The following TOX variants were observed in gnomAD, a reference collection of about 807,000 sequenced individuals.
The protein encoded by TOX is thymocyte selection-associated high mobility group box protein TOX.
TOX carries 11 observed loss-of-function variants against 53.7 expected under a neutral mutation model. The observed-to-expected ratio is 0.20, with a 90% CI of 0.13 to 0.34. The LOEUF (loss-of-function observed/expected upper bound fraction) is 0.34. Ranked by LOEUF, TOX falls within the 10% of genes least tolerant of loss-of-function variation. TOX has a pLI of 1.00. For missense variants in TOX, 570 were observed against 664.6 expected (o/e 0.86, Z 1.56); for synonymous variants, 225 against 245.3 (o/e 0.92, Z 0.77).
chr8:58,831,438 C>A (rs1047291327), intron 5 of TOX, among the ~76,000 whole-genome samples: 1 of 152,106 alleles, frequency 6.6e-6, no homozygotes, highest in Non-Finnish European at 1.5e-5. Flanking sequence ...CTATATATTA[C>A]CTCTAATTCT....
chr8:58,985,487 C>T (rs547208367), intron 1 of TOX, among the ~76,000 whole-genome samples: 83 of 152,186 alleles, frequency 5.5e-4, no homozygotes, highest in African/African-American at 1.9e-3. Context: ...TGGCAGTTGT[C>T]AGGGGCTAGG....
chr8:59,010,652 A>G (rs188971629), intron 1 of TOX, among the ~76,000 whole-genome samples: 135 of 152,282 alleles, frequency 8.9e-4, no homozygotes, highest in Middle Eastern at 3.4e-3. Context: ...TTTCAACAAA[A>G]CTGGGATAAT....
intron 3 of TOX, among the ~76,000 whole-genome samples, chr8:58,933,636 A>G (rs1249087706): frequency 6.6e-6 from 1 of 152,202 alleles, no homozygotes; most frequent in Non-Finnish European, 1.5e-5. Context: ...CTAAGTAACT[A>G]AAATGACAAA....
intron 3 of TOX, among the ~76,000 whole-genome samples, chr8:58,923,792 G>A (rs995503354): frequency 2.2e-4 from 33 of 152,082 alleles, no homozygotes; most frequent in African/African-American, 7.0e-4. Flanking sequence ...CCTGGGTTCC[G>A]GGTCCCTCAA....
intron 3 of TOX, among the ~76,000 whole-genome samples, chr8:58,900,564 T>G (rs1811719644): frequency 6.6e-6 from 1 of 152,294 alleles, no homozygotes; most frequent in South Asian, 2.1e-4. Flanking sequence ...CACAGAAGAT[T>G]TGATTTACTT....
At chr8:58,819,575 T>C (rs1430279859) in intron 6 of TOX, among the ~76,000 whole-genome samples, 1 of 152,206 alleles carries the variant, frequency 6.6e-6, no homozygotes, top group East Asian at 1.9e-4. Flanking sequence ...ATATGCAAAA[T>C]GTATAAAGGA....
intron 3 of TOX, among the ~76,000 whole-genome samples, chr8:58,936,966 T>C (rs1376889162): frequency 6.6e-6 from 1 of 152,356 alleles, no homozygotes; most frequent in Admixed American, 6.5e-5. Context: ...CAGTGACTAC[T>C]GCTGTTGGAC....
rs1805130263 is a variant in TOX, at chr8:59,117,731, T to A, written c.102+1155A>T. On this transcript the variant is annotated intron_variant, in intron 1 of 8. Coordinates refer to ENST00000361421, the MANE Select transcript of TOX (RefSeq NM_014729.3). This position sits in a 1 kb window ranked among gnomAD's most constrained non-coding sequence, Gnocchi z 4.6. Reference sequence around the variant, plus strand: ...TTTTTCCCGTGGAATGCACCGAGGGTCGCCATGGATGTGCCTGCAGGGGCT... The same window carrying A: ...TTTTTCCCGTGGAATGCACCGAGGGACGCCATGGATGTGCCTGCAGGGGCT... Among the ~76,000 whole-genome samples, 1 of 152,072 alleles carries A rather than the reference T, an allele frequency of 6.6e-6. No homozygotes were observed. The highest frequency in any genetic ancestry group is 1.9e-4 in the East Asian group (1 of 5,184).
chr8:58,851,621 T>C lies in TOX; in HGVS notation c.596A>G (p.Asn199Ser), dbSNP rs1396480607. The change falls in exon 4 of 9, where the codon AAT becomes AGT. Residue 199 changes from asparagine to serine, a missense_variant. Coordinates refer to ENST00000361421, the MANE Select transcript of TOX (RefSeq NM_014729.3). This position sits in a 1 kb window ranked among gnomAD's most constrained non-coding sequence, Gnocchi z 4.4. ...AQLGLNMGGS[N>S]VPHNSPSPPG... The stretch of plus-strand genomic sequence containing the variant: ...TGGAGATGGTGAGTTGTGGGGAACA[T>C]TGCTTCCTCCCATATTCAAACCAAG... The C allele has an allele frequency of 1.2e-6, 2 of 1,613,478 alleles. No homozygotes were observed. Among genetic ancestry groups the C allele is most frequent in the Non-Finnish European group, 1.7e-6 (2 of 1,179,786 alleles).
intron 1 of TOX, among the ~76,000 whole-genome samples, chr8:59,051,108 A>G (rs942154064): frequency 2.0e-5 from 3 of 152,138 alleles, no homozygotes; most frequent in African/African-American, 7.2e-5. Flanking sequence ...TGCTGATGGC[A>G]TACCCCGAAC....
rs865986265 is a variant in TOX, at chr8:58,914,995, G to A, written c.411+24307C>T. The stretch of plus-strand genomic sequence containing the variant: ...ACCCGAATATTGCGCTTTTCAGACC[G>A]GCTTAAAAAACGGCGCACCACGAGA... On this transcript the variant is annotated intron_variant, in intron 3 of 8. Coordinates refer to ENST00000361421, the MANE Select transcript of TOX (RefSeq NM_014729.3). Among the ~76,000 whole-genome samples the A allele has an allele frequency of 2.6e-3, 385 of 150,634 alleles. 1 individual carries two copies. Among genetic ancestry groups the A allele is most frequent in the African/African-American group, 9.2e-3 (371 of 40,400 alleles).
chr8:58,831,978 C>T (rs1198062852), intron 5 of TOX, among the ~76,000 whole-genome samples: 1 of 151,908 alleles, frequency 6.6e-6, no homozygotes, highest in Non-Finnish European at 1.5e-5. Flanking sequence ...CTGCCAACAT[C>T]ATGGAAAATT....
chr8:59,061,634 T>C (rs888196389), intron 1 of TOX, among the ~76,000 whole-genome samples: 1 of 152,034 alleles, frequency 6.6e-6, no homozygotes, highest in African/African-American at 2.4e-5. Context: ...AGTTTCATAG[T>C]TGGTGGCCAG....
chr8:59,074,006 C>T (rs1804248215), intron 1 of TOX, among the ~76,000 whole-genome samples: 1 of 152,044 alleles, frequency 6.6e-6, no homozygotes, highest in Admixed American at 6.6e-5. Context: ...TTGCATTGTC[C>T]AGATAATAAT....
rs1809999875 is a variant in TOX, at chr8:58,807,520, A to G, written c.*227T>C. On this transcript the variant is annotated 3_prime_UTR_variant, in exon 9 of 9. Coordinates refer to ENST00000361421, the MANE Select transcript of TOX (RefSeq NM_014729.3). The stretch of plus-strand genomic sequence containing the variant: ...ACCAACATAAAATCTGAATGGTCCA[A>G]ATTTCCTTCAGGGAAGAAGAAAAAC... 2 of 487,030 alleles carry G rather than the reference A, an allele frequency of 4.1e-6. No individual in the cohort carries two copies. The highest frequency in any genetic ancestry group is 7.3e-6 in the Non-Finnish European group (2 of 274,984). 30.2% of individuals were successfully genotyped at this position (487,030 alleles called of 1,614,324 possible). A position where few individuals can be genotyped will look rare whatever the true frequency, so the allele number is the denominator to read the frequency against.
At position 59,040,201 on chromosome 8, in the gene TOX, C is replaced by T. The variant is rs1301763731; in HGVS notation, c.102+78685G>A. The stretch of plus-strand genomic sequence containing the variant: ...AAAATTAGCCGGGCGTAGTGGCGGG[C>T]GCCTGTAGTCCCAGCTACTTGGGAG... On this transcript the variant is annotated intron_variant, in intron 1 of 8. Coordinates refer to ENST00000361421, the MANE Select transcript of TOX (RefSeq NM_014729.3). 3.3e-5 allele frequency among the ~76,000 whole-genome samples: 5 copies of T among 150,642 alleles called. 1 individual carries two copies. The highest frequency in any genetic ancestry group is 3.9e-4 in the East Asian group (2 of 5,116).
chr8:58,927,384 A>C (rs1312002528), intron 3 of TOX, among the ~76,000 whole-genome samples: 1 of 152,160 alleles, frequency 6.6e-6, no homozygotes, highest in African/African-American at 2.4e-5. Context: ...AGCCTCTACC[A>C]AGTGTAAAAG....
chr8:58,850,412 C>A (rs1810791235), intron 4 of TOX, among the ~76,000 whole-genome samples: 1 of 152,172 alleles, frequency 6.6e-6, no homozygotes, highest in Admixed American at 6.6e-5. Flanking sequence ...GCAAGGCAGG[C>A]TGGCATGCTG....
At chr8:58,924,731 C>A (rs1166987943) in intron 3 of TOX, among the ~76,000 whole-genome samples, 1 of 152,148 alleles carries the variant, frequency 6.6e-6, no homozygotes, top group Non-Finnish European at 1.5e-5. Flanking sequence ...ATTTGTCTCC[C>A]GATAGGTGTT....
Sources: allele counts gnomAD v4.1 joint callset (sites outside exome capture counted in the v4.1 genomes callset), GRCh38; gene constraint gnomAD v4.1.1; non-coding constraint Gnocchi (gnomAD v3.1); transcripts MANE v1.5; gene names NCBI Gene and HGNC (gene_info 2026-07-23, HGNC 2026-07-21).